The following FAM168B variants were observed in gnomAD, a reference collection of about 807,000 sequenced individuals.
FAM168B encodes myelin-associated neurite-outgrowth inhibitor.
Under a neutral mutation model 21.8 loss-of-function variants are expected in FAM168B, and 19 were observed. The ratio of observed to expected loss-of-function variants is 0.87; its 90% confidence interval spans 0.61 to 1.28. The LOEUF (loss-of-function observed/expected upper bound fraction) is 1.28. FAM168B is among the 50% of genes most tolerant of loss of function. The pLI is 0.00. For missense variants in FAM168B, 233 were observed against 263.1 expected, an observed-to-expected ratio of 0.89 and a Z score of 0.79; for synonymous variants, 126 against 104.8, an observed-to-expected ratio of 1.20 and a Z score of -1.24.
At chr2:131,076,791 C>A (rs1049183914) in intron 2 of FAM168B, among the ~76,000 whole-genome samples, 1 of 151,952 alleles carries the variant, frequency 6.6e-6, no homozygotes, top group African/African-American at 2.4e-5. Context: ...ACACTTAATA[C>A]GTAAGTAACT....
chr2:131,068,251 C>G (rs1267903216), intron 3 of FAM168B, among the ~76,000 whole-genome samples: 1 of 152,120 alleles, frequency 6.6e-6, no homozygotes, highest in Non-Finnish European at 1.5e-5. Flanking sequence ...CTCTGCCTCC[C>G]AGGTTCAAGT....
chr2:131,069,736 A>G (rs1024467751), intron 3 of FAM168B, among the ~76,000 whole-genome samples: 1 of 151,470 alleles, frequency 6.6e-6, no homozygotes, highest in South Asian at 2.1e-4. Context: ...CTCATGATCC[A>G]CCCACCCCGG....
chr2:131,092,322 A>G (rs1189618909), intron 1 of FAM168B, among the ~76,000 whole-genome samples: 2 of 152,206 alleles, frequency 1.3e-5, no homozygotes, highest in African/African-American at 4.8e-5. Context: ...ATAGCCTTAC[A>G]CTGCTCAAAT....
chr2:131,079,949 T>C (rs1693351611), intron 2 of FAM168B, among the ~76,000 whole-genome samples: 1 of 151,968 alleles, frequency 6.6e-6, no homozygotes, highest in Non-Finnish European at 1.5e-5. Context: ...AAAACCCATC[T>C]CTACTAAAAA....
chr2:131,066,682 G>A (rs1298207053), intron 3 of FAM168B, among the ~76,000 whole-genome samples: 1 of 152,110 alleles, frequency 6.6e-6, no homozygotes, highest in Non-Finnish European at 1.5e-5. Flanking sequence ...TCGTAGGCTT[G>A]GGGCTGAAAT....
rs1245123576 is a variant in FAM168B at position 131,048,734 on chromosome 2, G to A, written c.*3731C>T. On this transcript the variant is annotated 3_prime_UTR_variant, in exon 7 of 7. Transcript: ENST00000389915. Reference sequence around the variant, plus strand: ...ACAAATGCAGAGGTACTAGAGGGGAGAAATACGTGCTCTGCCTTCCCCCAG... The same window carrying A: ...ACAAATGCAGAGGTACTAGAGGGGAAAAATACGTGCTCTGCCTTCCCCCAG... 3 of 987,274 alleles carry A rather than the reference G, an allele frequency of 3.0e-6. No individual in the cohort carries two copies. The highest frequency in any genetic ancestry group is 3.6e-6 in the Non-Finnish European group (3 of 831,034). 61.2% of individuals were successfully genotyped at this position (987,274 alleles called of 1,614,324 possible). A position where few individuals can be genotyped will look rare whatever the true frequency, so the allele number is the denominator to read the frequency against.
intron 2 of FAM168B, among the ~76,000 whole-genome samples, chr2:131,072,330 G>C (rs1173225078): frequency 6.6e-6 from 1 of 151,862 alleles, no homozygotes; most frequent in African/African-American, 2.4e-5. Context: ...CATCACGTTA[G>C]CCAGGCTGGT....
chr2:131,070,509 A>G lies in FAM168B; in HGVS notation c.154+1346T>C, dbSNP rs1413460344. On this transcript the variant is annotated intron_variant, in intron 3 of 6. Coordinates refer to ENST00000389915, the MANE Select transcript of FAM168B (RefSeq NM_001009993.4). ...TTGGCAGTTTCTCACAAAGTTAAAT[A>G]TACACTTGCCATAATAACCAGCCAC... is the stretch of plus-strand genomic sequence containing the variant. Among the ~76,000 whole-genome samples, 5 of 152,190 alleles carry G rather than the reference A, an allele frequency of 3.3e-5. No individual in the cohort carries two copies. In the East Asian group the frequency reaches 9.6e-4, roughly 29 times the overall value.
chr2:131,061,295 T>A lies in FAM168B; in HGVS notation c.155-5600A>T, dbSNP rs565659905. On this transcript the variant is annotated intron_variant, in intron 3 of 6. Coordinates refer to ENST00000389915, the MANE Select transcript of FAM168B (RefSeq NM_001009993.4). The stretch of plus-strand genomic sequence containing the variant: ...CTGGCAAAACCTCGCCTCCAAAATT[T>A]AAAAAAAAAAAAAAAGTAAAAATAA... Among the ~76,000 whole-genome samples the A allele has an allele frequency of 1.4e-3, 189 of 130,678 alleles. 1 individual carries two copies. The highest frequency in any genetic ancestry group is 4.4e-3 in the African/African-American group (155 of 35,268). The allele number at this position is 130,678 out of a possible 152,430, so 85.7% of individuals were successfully genotyped here.
chr2:131,060,793 G>C (rs1348090817), intron 3 of FAM168B, among the ~76,000 whole-genome samples: 1 of 152,030 alleles, frequency 6.6e-6, no homozygotes, highest in African/African-American at 2.4e-5. Flanking sequence ...GATCACTGGG[G>C]AATCTAAGTG....
At chr2:131,057,629 G>GA (rs1220343481) in intron 3 of FAM168B, among the ~76,000 whole-genome samples, 19 of 152,144 alleles carry the variant, frequency 1.2e-4, no homozygotes, top group African/African-American at 4.6e-4. Flanking sequence ...CCTCAAGTTT[G>GA]AAAAAATGAG....
intron 2 of FAM168B, among the ~76,000 whole-genome samples, chr2:131,072,249 G>A (rs185058346): frequency 3.8e-4 from 57 of 151,926 alleles, no homozygotes; most frequent in Middle Eastern, 6.8e-3. Flanking sequence ...TCAGCCTTCC[G>A]AAGAGCTGGG....
intron 1 of FAM168B, among the ~76,000 whole-genome samples, chr2:131,089,163 T>C (rs1469399680): frequency 6.6e-6 from 1 of 151,850 alleles, no homozygotes; most frequent in Non-Finnish European, 1.5e-5. Context: ...ACGGGGTTTC[T>C]CCACGTTGGT....
intron 2 of FAM168B, among the ~76,000 whole-genome samples, chr2:131,077,602 A>G (rs1015232130): frequency 6.6e-6 from 1 of 152,260 alleles, no homozygotes. Context: ...TAGGATCTAC[A>G]GCCTTGTTGA....
chr2:131,074,050 A>AG (rs1693012570), intron 2 of FAM168B, among the ~76,000 whole-genome samples: 1 of 152,228 alleles, frequency 6.6e-6, no homozygotes, highest in African/African-American at 2.4e-5. Flanking sequence ...CTTTTCGATA[A>AG]GGCCTCCCTT....
chr2:131,049,412 G>C lies in FAM168B; in HGVS notation c.*3053C>G. 3.0e-6 allele frequency: 3 copies of C among 985,420 alleles called. No homozygotes were observed. Among genetic ancestry groups the C allele is most frequent in the Non-Finnish European group, 3.6e-6 (3 of 829,956 alleles). The allele number at this position is 985,420 out of a possible 1,614,324, so 61.0% of individuals were successfully genotyped here. Reference sequence around the variant, plus strand: ...GTAGGCCTACAAACCACACCAAGAAGAACGTTCTTAACAGATGGCTCACGA... The same window carrying C: ...GTAGGCCTACAAACCACACCAAGAACAACGTTCTTAACAGATGGCTCACGA... On this transcript the variant is annotated 3_prime_UTR_variant, in exon 7 of 7. Coordinates refer to ENST00000389915, the MANE Select transcript of FAM168B (RefSeq NM_001009993.4).
At chr2:131,092,870 G>A (rs1306354491) in intron 1 of FAM168B, among the ~76,000 whole-genome samples, 2 of 152,122 alleles carry the variant, frequency 1.3e-5, no homozygotes, top group East Asian at 1.9e-4. Flanking sequence ...TTACACATTG[G>A]AAATGACTAT....
In FAM168B at chr2:131,053,482, G is replaced by A. The variant is rs865858268; in HGVS notation, c.476-467C>T. On this transcript the variant is annotated intron_variant, in intron 5 of 6. Transcript: ENST00000389915. ...AAAGAAAGTAGAACAGGGAATTAGCGTTAATGAGTACAGGAGTTCAGATTT... is the reference window on the plus strand; with the variant it reads ...AAAGAAAGTAGAACAGGGAATTAGCATTAATGAGTACAGGAGTTCAGATTT... Among the ~76,000 whole-genome samples, 10 of 152,316 alleles carry A rather than the reference G, an allele frequency of 6.6e-5. No individual in the cohort carries two copies. In the South Asian group the frequency reaches 1.0e-3, roughly 16 times the overall value.
At chr2:131,071,995 G>C in intron 2 of FAM168B, 57 bp from the exon 3 acceptor site, 1 of 1,435,154 alleles carries the variant, frequency 7.0e-7, no homozygotes, top group Admixed American at 1.7e-5. Context: ...ACAATCACTA[G>C]AGCTCCTGCA....
Sources: gnomAD v4.1 joint callset for allele counts (sites outside exome capture counted in the v4.1 genomes callset) on GRCh38, gnomAD v4.1.1 for gene constraint, MANE v1.5 for transcripts, NCBI Gene and HGNC (gene_info 2026-07-23, HGNC 2026-07-21) for gene names.